AVEN: variants seen among roughly 807,000 people sequenced by gnomAD.
The protein encoded by AVEN is apoptosis and caspase activation inhibitor.
In AVEN, 41 loss-of-function variants were observed where a neutral mutation model predicts 38.1. The ratio of observed to expected loss-of-function variants is 1.08; its 90% CI spans 0.84 to 1.40. The LOEUF (loss-of-function observed/expected upper bound fraction) is 1.40, where lower values mean the gene tolerates loss of function less well. Ranked by LOEUF, AVEN falls within the 40% of genes most tolerant of loss-of-function variation. The probability of loss-of-function intolerance (pLI) is 0.00; values close to 1 mark genes in which losing one functional copy is unlikely to be tolerated. For synonymous variants in AVEN, 206 were observed against 171.8 expected (o/e 1.20, Z -1.56); for missense variants, 605 against 438.8 (o/e 1.38, Z -3.38).
rs1890499343 is a variant in AVEN, at chr15:33,866,407, C to G, written c.*206G>C. 1.7e-6 allele frequency: 1 copy of G among 581,200 alleles called. No homozygotes were observed. Among genetic ancestry groups the G allele is most frequent in the Non-Finnish European group, 3.0e-6 (1 of 328,388 alleles). The allele number at this position is 581,200 out of a possible 1,614,324, so 36.0% of individuals were successfully genotyped here. A position where few individuals can be genotyped will look rare whatever the true frequency, so the allele number is the denominator to read the frequency against. On this transcript the variant is annotated 3_prime_UTR_variant, in exon 6 of 6. Coordinates refer to ENST00000306730, the MANE Select transcript of AVEN (RefSeq NM_020371.3). ...GCCCTTAAGGAAATCTATTAGATTA[C>G]TAAGCCAGAAAAACAAATGCAACAA...
chr15:34,007,791 G>C (rs1348019692), intron 1 of AVEN, among the ~76,000 whole-genome samples: 1 of 152,184 alleles, frequency 6.6e-6, no homozygotes, highest in Non-Finnish European at 1.5e-5. Flanking sequence ...GGTATTGGTA[G>C]GGTTGGCTCT....
intron 1 of AVEN, among the ~76,000 whole-genome samples, chr15:34,030,266 A>C (rs944434237): frequency 1.3e-5 from 2 of 152,158 alleles, no homozygotes; most frequent in African/African-American, 4.8e-5. Flanking sequence ...TCAAAAAAAG[A>C]ACTATGAATT....
At chr15:33,856,998 T>C (rs1388424281), downstream of AVEN, among the ~76,000 whole-genome samples, 4 of 152,098 alleles carry the variant, frequency 2.6e-5, no homozygotes, top group African/African-American at 9.7e-5. Context: ...AGAAGCTACA[T>C]TGTGAAGCCT....
intron 2 of AVEN, among the ~76,000 whole-genome samples, chr15:34,068,396 A>G (rs555064121): frequency 1.3e-5 from 2 of 152,064 alleles, no homozygotes; most frequent in South Asian, 4.2e-4. Flanking sequence ...TTGTAGAGAC[A>G]GGGTTTCACC....
At chr15:34,025,712 G>A (rs1054330529) in intron 1 of AVEN, among the ~76,000 whole-genome samples, 5 of 151,708 alleles carry the variant, frequency 3.3e-5, no homozygotes, top group African/African-American at 1.2e-4. Context: ...AGGTTCAGAA[G>A]AAAAAAAAAT....
chr15:33,896,214 T>C (rs939664918), intron 2 of AVEN, among the ~76,000 whole-genome samples: 2 of 152,172 alleles, frequency 1.3e-5, no homozygotes, highest in African/African-American at 4.8e-5. Flanking sequence ...AAAAATTACA[T>C]GGCATGCACA....
At chr15:33,862,821 A>ACAC (rs1888876574), downstream of AVEN, among the ~76,000 whole-genome samples, 3 of 151,856 alleles carry the variant, frequency 2.0e-5, no homozygotes, top group Non-Finnish European at 4.4e-5. Context: ...GTGTTGGCCA[A>ACAC]GCTGGTCTCA....
chr15:33,994,546 C>A (rs779028882), intron 2 of AVEN, among the ~76,000 whole-genome samples: 1 of 152,160 alleles, frequency 6.6e-6, no homozygotes, highest in African/African-American at 2.4e-5. Context: ...TCCACAAAAC[C>A]GGTCCCTGGT....
At chr15:33,862,620 G>GT (rs1293116956), downstream of AVEN, among the ~76,000 whole-genome samples, 4 of 152,030 alleles carry the variant, frequency 2.6e-5, no homozygotes, top group Non-Finnish European at 5.9e-5. Context: ...CATGAGTTTT[G>GT]TTTTTTTATT....
chr15:33,857,861 A>C, downstream of AVEN: 1 of 1,614,232 alleles, frequency 6.2e-7, no homozygotes, highest in Non-Finnish European at 8.5e-7. Context: ...CAAGTTCTAC[A>C]ACAAAAGCGA....
intron 2 of AVEN, among the ~76,000 whole-genome samples, chr15:33,912,182 C>G (rs1298562715): frequency 6.6e-6 from 1 of 152,160 alleles, no homozygotes; most frequent in Non-Finnish European, 1.5e-5. Context: ...GTAACACTAT[C>G]TACTTCATAG....
At chr15:34,051,222 T>G (rs1033537891) in intron 5 of AVEN, among the ~76,000 whole-genome samples, 2 of 152,272 alleles carry the variant, frequency 1.3e-5, no homozygotes, top group South Asian at 4.1e-4. Context: ...ACATGGAAAC[T>G]GAACAACCTA....
chr15:33,894,669 G>A (rs937564789), intron 2 of AVEN, among the ~76,000 whole-genome samples: 1 of 137,826 alleles, frequency 7.3e-6, no homozygotes, highest in Middle Eastern at 3.2e-3. Context: ...AATTAGGTGG[G>A]CATGGCAGCG....
At chr15:33,922,320 C>G (rs1893427015) in intron 2 of AVEN, among the ~76,000 whole-genome samples, 1 of 152,186 alleles carries the variant, frequency 6.6e-6, no homozygotes, top group Non-Finnish European at 1.5e-5. Context: ...TAGAGAGGAC[C>G]TGGAGAGTAG....
intron 2 of AVEN, among the ~76,000 whole-genome samples, chr15:33,950,214 G>A (rs1894685023): frequency 6.6e-6 from 1 of 152,140 alleles, no homozygotes; most frequent in South Asian, 2.1e-4. Flanking sequence ...GGAGTGTGAG[G>A]GAAATGGGGA....
intron 2 of AVEN, among the ~76,000 whole-genome samples, chr15:34,068,085 TA>T (rs1900553789): frequency 6.6e-6 from 1 of 152,036 alleles, no homozygotes; most frequent in African/African-American, 2.4e-5. Flanking sequence ...ATTCCGCACT[TA>T]ACGTTTTGCC....
intron 2 of AVEN, among the ~76,000 whole-genome samples, chr15:33,921,984 G>T (rs541831958): frequency 6.6e-6 from 1 of 152,168 alleles, no homozygotes; most frequent in South Asian, 2.1e-4. Flanking sequence ...AAGAAAGGAG[G>T]TAGTTAACCT....
chr15:34,001,297 C>T lies in AVEN; in HGVS notation c.445+1735G>A, dbSNP rs556308746. 1.7e-4 allele frequency among the ~76,000 whole-genome samples: 26 copies of T among 152,304 alleles called. No individual in the cohort carries two copies. The South Asian group carries it at 5.4e-3, about 32-fold the overall frequency. On this transcript the variant is annotated intron_variant, in intron 2 of 5. Transcript: ENST00000306730. ...TCGGCCTCCCAAAGTGCTGGGATTA[C>T]AGGCGTGAGCCACCATGCCCAGCCT...
At position 33,882,573 on chromosome 15, in the gene AVEN, ATAG is replaced by A. The variant is rs761100597; in HGVS notation, c.446-6581_446-6579del. Among the ~76,000 whole-genome samples the A allele has an allele frequency of 2.7e-5, 4 of 148,012 alleles. 1 individual carries two copies. ...GAAGCAAAAATGTTAAAAAAAAAAA[ATAG>A]AAATAAGGCTGGGTGTACAGTGGCT... On this transcript the variant is annotated intron_variant, in intron 2 of 5. Transcript: ENST00000306730.
Sources: allele counts gnomAD v4.1 joint callset (sites outside exome capture counted in the v4.1 genomes callset), GRCh38; gene constraint gnomAD v4.1.1; transcripts MANE v1.5; gene names NCBI Gene and HGNC (gene_info 2026-07-23, HGNC 2026-07-21).